The following CFAP100 variants were observed in gnomAD, a reference collection of about 807,000 sequenced individuals.
The protein encoded by CFAP100 is cilia and flagella associated protein 100.
In CFAP100, 70 loss-of-function variants were observed where a neutral mutation model predicts 81.5. The ratio of observed to expected loss-of-function variants is 0.86; its 90% CI spans 0.71 to 1.05. The LOEUF is 1.05. CFAP100 is among the 50% of genes least tolerant of loss of function. The pLI, the probability that CFAP100 is intolerant of heterozygous loss-of-function variation, is 0.00. For synonymous variants in CFAP100, 341 were observed against 314.8 expected (o/e 1.08, Z -0.88); for missense variants, 811 against 776.5 (o/e 1.04, Z -0.53).
intron 13 of CFAP100, among the ~76,000 whole-genome samples, chr3:126,431,300 G>C (rs1406050178): frequency 6.6e-6 from 1 of 152,218 alleles, no homozygotes; most frequent in Non-Finnish European, 1.5e-5. Context: ...ATCCATCCAT[G>C]ACAGTTACAC....
At chr3:126,422,855 G>A (rs545318936) in intron 11 of CFAP100, among the ~76,000 whole-genome samples, 11 of 152,212 alleles carry the variant, frequency 7.2e-5, no homozygotes, top group South Asian at 6.2e-4. Context: ...CCCCAGCAGC[G>A]GAGCCGCAGG....
rs150208918 is a variant in CFAP100 at position 126,399,205 on chromosome 3, C to T, written c.49+3156C>T. 4.6e-5 allele frequency among the ~76,000 whole-genome samples: 7 copies of T among 152,332 alleles called. No homozygotes were observed. The East Asian group carries it at 1.4e-3, about 29-fold the overall frequency. On this transcript the variant is annotated intron_variant, in intron 2 of 16. Transcript: ENST00000352312. ...CACGTTCTACCCTCTGGCCTTTTGACCCTTCTTCACCTGTGTTGCTTACTG... is the reference window on the plus strand; with the variant it reads ...CACGTTCTACCCTCTGGCCTTTTGATCCTTCTTCACCTGTGTTGCTTACTG...
chr3:126,404,863 C>T (rs1215639862), intron 2 of CFAP100, among the ~76,000 whole-genome samples: 1 of 152,022 alleles, frequency 6.6e-6, no homozygotes, highest in African/African-American at 2.4e-5. Flanking sequence ...TTAGTAGAGA[C>T]GTGGTTTCAC....
intron 3 of CFAP100, among the ~76,000 whole-genome samples, chr3:126,409,711 C>T (rs941468438): frequency 2.0e-5 from 3 of 152,158 alleles, no homozygotes; most frequent in South Asian, 2.1e-4. Flanking sequence ...TAGTTCTGGG[C>T]CATTTGATGA....
intron 14 of CFAP100, 52 bp downstream of exon 14, chr3:126,433,256 G>A: frequency 1.9e-6 from 3 of 1,601,884 alleles, no homozygotes; most frequent in Non-Finnish European, 2.6e-6. Context: ...GGGACCCTTG[G>A]GCACCCACTG....
intron 15 of CFAP100, 147 bp downstream of exon 15, chr3:126,434,528 G>A: frequency 2.6e-6 from 2 of 762,120 alleles, no homozygotes; most frequent in Admixed American, 3.1e-5. Context: ...TGTCTTGGGG[G>A]GATCTAGAGG....
intron 13 of CFAP100, 62 bp from the exon 14 acceptor site, chr3:126,433,007 G>T: frequency 6.3e-7 from 1 of 1,593,914 alleles, no homozygotes; most frequent in South Asian, 1.1e-5. Flanking sequence ...CAGGCTCAGA[G>T]AAGCGATGTG....
intron 2 of CFAP100, among the ~76,000 whole-genome samples, chr3:126,403,159 G>A (rs2083012346): frequency 6.6e-6 from 1 of 152,080 alleles, no homozygotes; most frequent in Non-Finnish European, 1.5e-5. Flanking sequence ...CCGAGACTCT[G>A]AAGAGGCTGC....
At chr3:126,429,554 TTTTG>T (rs1174417224) in intron 13 of CFAP100, among the ~76,000 whole-genome samples, 2 of 152,148 alleles carry the variant, frequency 1.3e-5, no homozygotes, top group African/African-American at 4.8e-5. Context: ...GGTTTGATGT[TTTTG>T]TTTTTGTTTT....
chr3:126,421,106 G>A (rs1187005183), intron 11 of CFAP100, among the ~76,000 whole-genome samples: 5 of 152,144 alleles, frequency 3.3e-5, no homozygotes, highest in Non-Finnish European at 7.4e-5. Flanking sequence ...AGGTTCAAGC[G>A]ATTCTCTTGT....
At chr3:126,418,945 T>A (rs1180354962) in intron 7 of CFAP100, 131 bp from the exon 8 acceptor site, 1 of 997,684 alleles carries the variant, frequency 1.0e-6, no homozygotes, top group Non-Finnish European at 1.5e-6. Context: ...AAGGCTTAAC[T>A]GTGTGGCTCT....
chr3:126,407,123 A>G (rs370693178), intron 2 of CFAP100, 49 bp from the exon 3 acceptor site: 1 of 1,343,950 alleles, frequency 7.4e-7, no homozygotes, highest in South Asian at 1.2e-5. Flanking sequence ...CACAGTTCTC[A>G]TGGGCCAGGG....
intron 5 of CFAP100, 137 bp from the exon 6 acceptor site, chr3:126,418,317 ACCTT>A (rs2083273788): frequency 2.9e-6 from 2 of 679,590 alleles, no homozygotes; most frequent in African/African-American, 3.6e-5. Context: ...CAAGAACACT[ACCTT>A]CCATGGTCCC....
chr3:126,416,884 GTTATTGT>G (rs2083252884), intron 5 of CFAP100: 1 of 165,304 alleles, frequency 6.0e-6, no homozygotes, highest in African/African-American at 2.4e-5. Flanking sequence ...TTTATTAGTC[GTTATTGT>G]TTATCTTTTA....
chr3:126,433,176 A>G lies in CFAP100; in HGVS notation c.1394A>G (p.His465Arg). 6.2e-7 allele frequency: 1 copy of G among 1,614,204 alleles called. No homozygotes were observed. Among genetic ancestry groups the G allele is most frequent in the Non-Finnish European group, 8.5e-7 (1 of 1,180,028 alleles). Reference protein sequence around the residue: ...AELELKARVFHFGEYKGDQQD... With the variant: ...AELELKARVFRFGEYKGDQQD... ...CTGGAGCTCAAAGCCCGAGTCTTCC[A>G]CTTCGGCGAGTACAAGGGCGATCAG... is the stretch of plus-strand genomic sequence containing the variant. The change falls in exon 14 of 17, where the codon CAC (histidine) becomes CGC (arginine). Residue 465 changes from histidine (H) to arginine (R), a missense_variant. Transcript: ENST00000352312.
chr3:126,410,570 C>T (rs1443262761), intron 3 of CFAP100, among the ~76,000 whole-genome samples: 2 of 151,946 alleles, frequency 1.3e-5, no homozygotes, highest in Non-Finnish European at 2.9e-5. Context: ...GGTGCCATCT[C>T]GGCTCACTGC....
intron 4 of CFAP100, among the ~76,000 whole-genome samples, chr3:126,414,864 C>T (rs1225379226): frequency 1.1e-4 from 16 of 152,216 alleles, no homozygotes; most frequent in Non-Finnish European, 5.9e-5. Context: ...CCACAGACTC[C>T]ATCACCTCGC....
intron 2 of CFAP100, among the ~76,000 whole-genome samples, chr3:126,400,518 C>T (rs1027635579): frequency 1.3e-5 from 2 of 152,024 alleles, no homozygotes; most frequent in African/African-American, 4.8e-5. Flanking sequence ...TTTCGGGAGG[C>T]CAAGGCGGGC....
At chr3:126,435,980 G>A (rs1191964768) in intron 16 of CFAP100, among the ~76,000 whole-genome samples, 3 of 152,122 alleles carry the variant, frequency 2.0e-5, no homozygotes, top group Non-Finnish European at 2.9e-5. Context: ...CTCACTGCCC[G>A]TCACTGGGGT....
Sources: allele counts gnomAD v4.1 joint callset (sites outside exome capture counted in the v4.1 genomes callset), GRCh38; gene constraint gnomAD v4.1.1; transcripts MANE v1.5; gene names NCBI Gene and HGNC (gene_info 2026-07-23, HGNC 2026-07-21).